The following CPA6 variants were observed in gnomAD, a reference collection of about 807,000 sequenced individuals.
CPA6 encodes the protein carboxypeptidase B.
Under a neutral mutation model 63.3 loss-of-function variants are expected in CPA6, and 58 were observed. The ratio of observed to expected loss-of-function variants is 0.92; its 90% CI spans 0.74 to 1.14. The LOEUF (loss-of-function observed/expected upper bound fraction) is 1.14. Ranked by LOEUF, CPA6 falls within the 50% of genes most tolerant of loss-of-function variation. CPA6 has a pLI of 0.00. For synonymous variants in CPA6, 185 were observed against 179.0 expected (o/e 1.03, Z -0.27); for missense variants, 565 against 526.6 (o/e 1.07, Z -0.71).
intron 3 of CPA6, among the ~76,000 whole-genome samples, chr8:67,512,601 A>C (rs1335128423): frequency 1.3e-5 from 2 of 152,174 alleles, no homozygotes; most frequent in African/African-American, 4.8e-5. Context: ...CTGTCTTCTC[A>C]ATGCTCACCA....
At chr8:67,643,804 C>T (rs1188861510) in intron 1 of CPA6, among the ~76,000 whole-genome samples, 3 of 151,950 alleles carry the variant, frequency 2.0e-5, no homozygotes, top group Non-Finnish European at 2.9e-5. Context: ...GACCTAGTAC[C>T]GGTAGAAAAT....
chr8:67,677,766 G>C (rs954855976), intron 1 of CPA6, among the ~76,000 whole-genome samples: 1 of 151,972 alleles, frequency 6.6e-6, no homozygotes, highest in African/African-American at 2.4e-5. Context: ...CTAGGCAAGA[G>C]TGGATGGCTA....
At chr8:67,644,963 G>A (rs1312331378) in intron 1 of CPA6, among the ~76,000 whole-genome samples, 3 of 152,120 alleles carry the variant, frequency 2.0e-5, no homozygotes, top group Non-Finnish European at 4.4e-5. Context: ...GTGAGGTTTT[G>A]TTACTCTACT....
At chr8:67,629,237 T>TA (rs2128987727) in intron 1 of CPA6, among the ~76,000 whole-genome samples, 1 of 151,624 alleles carries the variant, frequency 6.6e-6, no homozygotes, top group African/African-American at 2.4e-5. Context: ...GAGGCTGAGG[T>TA]AGGAGAATAG....
chr8:67,528,371 G>A (rs1812408925), intron 2 of CPA6, among the ~76,000 whole-genome samples: 1 of 152,162 alleles, frequency 6.6e-6, no homozygotes, highest in African/African-American at 2.4e-5. Context: ...GAAGAGCAGA[G>A]AGAGAGAATG....
At chr8:67,632,328 G>A (rs1168959115) in intron 1 of CPA6, among the ~76,000 whole-genome samples, 1 of 151,714 alleles carries the variant, frequency 6.6e-6, no homozygotes, top group African/African-American at 2.4e-5. Context: ...GCACTACCCT[G>A]CCCAGCTAAT....
intron 1 of CPA6, among the ~76,000 whole-genome samples, chr8:67,721,607 T>C (rs1817501032): frequency 6.6e-6 from 1 of 152,166 alleles, no homozygotes; most frequent in African/African-American, 2.4e-5. Context: ...CAGGTGCAGA[T>C]GAACGATAGA....
intron 1 of CPA6, among the ~76,000 whole-genome samples, chr8:67,674,824 C>T (rs1397575453): frequency 6.6e-5 from 10 of 152,098 alleles, no homozygotes; most frequent in East Asian, 1.9e-4. Context: ...ATATACACCA[C>T]GGAATACTAC....
chr8:67,484,500 G>A (rs143970812), intron 7 of CPA6, among the ~76,000 whole-genome samples, 179 bp downstream of exon 7: 8 of 152,214 alleles, frequency 5.3e-5, no homozygotes, highest in African/African-American at 1.9e-4. Context: ...AAATCTAGAT[G>A]TGAAAATGAA....
intron 1 of CPA6, among the ~76,000 whole-genome samples, chr8:67,732,998 G>A (rs1817736925): frequency 6.6e-6 from 1 of 151,580 alleles, no homozygotes; most frequent in African/African-American, 2.4e-5. Flanking sequence ...AGATCGAGAC[G>A]ATCCCGGCTA....
At chr8:67,640,828 C>T (rs1284921514) in intron 1 of CPA6, among the ~76,000 whole-genome samples, 1 of 151,588 alleles carries the variant, frequency 6.6e-6, no homozygotes, top group Non-Finnish European at 1.5e-5. Flanking sequence ...GCAGTGGCAG[C>T]CCCTGGCCAA....
chr8:67,523,223 A>G (rs1161297322), intron 2 of CPA6, among the ~76,000 whole-genome samples: 1 of 152,188 alleles, frequency 6.6e-6, no homozygotes, highest in Non-Finnish European at 1.5e-5. Context: ...ACATACACAC[A>G]AAGTACCTAA....
At chr8:67,719,435 A>G (rs533456782) in intron 1 of CPA6, among the ~76,000 whole-genome samples, 71 of 149,892 alleles carry the variant, frequency 4.7e-4, no homozygotes, top group African/African-American at 1.6e-3. Context: ...TATTTCGGGG[A>G]AAAAAAAATT....
chr8:67,543,302 A>G (rs73692113), intron 2 of CPA6, among the ~76,000 whole-genome samples: 203 of 152,384 alleles, frequency 1.3e-3, no homozygotes, highest in African/African-American at 4.6e-3. Flanking sequence ...ATGCTGAAGA[A>G]TAGACAGTTT....
chr8:67,510,537 C>T (rs977400385), intron 4 of CPA6, among the ~76,000 whole-genome samples: 2 of 152,054 alleles, frequency 1.3e-5, no homozygotes, highest in Non-Finnish European at 2.9e-5. Flanking sequence ...CTTTCTATTG[C>T]TTCTAATTTT....
chr8:67,426,449 T>C (rs1809887111), intron 10 of CPA6, among the ~76,000 whole-genome samples: 1 of 152,208 alleles, frequency 6.6e-6, no homozygotes, highest in South Asian at 2.1e-4. Context: ...CAGTTTTTTT[T>C]TTTCCCTTTC....
chr8:67,665,400 T>G (rs1023655496), intron 1 of CPA6, among the ~76,000 whole-genome samples: 1 of 152,176 alleles, frequency 6.6e-6, no homozygotes, highest in Non-Finnish European at 1.5e-5. Context: ...TCCAACAGAA[T>G]GGGAAAATGG....
chr8:67,566,467 G>C (rs1813338988), intron 2 of CPA6, among the ~76,000 whole-genome samples: 3 of 152,162 alleles, frequency 2.0e-5, no homozygotes, highest in Admixed American at 2.0e-4. Flanking sequence ...AATATCTTGT[G>C]TCACCTCTAA....
chr8:67,465,714 A>T (rs1308111942), intron 8 of CPA6, among the ~76,000 whole-genome samples: 1 of 152,100 alleles, frequency 6.6e-6, no homozygotes, highest in Non-Finnish European at 1.5e-5. Context: ...GTCTATTGAG[A>T]TACACAGATG....
Sources: allele counts gnomAD v4.1 joint callset (sites outside exome capture counted in the v4.1 genomes callset), GRCh38; gene constraint gnomAD v4.1.1; transcripts MANE v1.5; gene names NCBI Gene and HGNC (gene_info 2026-07-23, HGNC 2026-07-21).